The following XKR6 variants were observed in gnomAD, a reference collection of about 807,000 sequenced individuals.
XKR6 encodes XK related 6.
In XKR6, 22 loss-of-function variants were observed where a neutral mutation model predicts 56.7. That is an observed-to-expected ratio of 0.39 (90% CI 0.28 to 0.55). XKR6 has a LOEUF of 0.55. XKR6 is among the 20% of genes least tolerant of loss of function. The probability of loss-of-function intolerance (pLI) is 0.66; values close to 1 mark genes in which losing one functional copy is unlikely to be tolerated. For synonymous variants in XKR6, 524 were observed against 387.8 expected, an observed-to-expected ratio of 1.35 and a Z score of -4.13; for missense variants, 852 against 889.0, an observed-to-expected ratio of 0.96 and a Z score of 0.53.
chr8:11,152,146 G>C (rs1008991194), intron 1 of XKR6, among the ~76,000 whole-genome samples: 1 of 152,172 alleles, frequency 6.6e-6, no homozygotes, highest in Non-Finnish European at 1.5e-5. Flanking sequence ...TTTCCCAGCA[G>C]TAAAAAGTGA....
chr8:11,046,710 G>A (rs1799419199), intron 1 of XKR6, among the ~76,000 whole-genome samples: 1 of 152,094 alleles, frequency 6.6e-6, no homozygotes, highest in South Asian at 2.1e-4. Flanking sequence ...GCCAAGATAA[G>A]GAATCAACTT....
At chr8:11,183,728 G>T (rs1019457693) in intron 1 of XKR6, among the ~76,000 whole-genome samples, 10 of 152,198 alleles carry the variant, frequency 6.6e-5, no homozygotes, top group Admixed American at 5.9e-4. Context: ...TTGAAAAGAG[G>T]TCCTAAGATC....
chr8:11,186,346 T>C (rs923577808), intron 1 of XKR6, among the ~76,000 whole-genome samples: 1 of 152,168 alleles, frequency 6.6e-6, no homozygotes, highest in Non-Finnish European at 1.5e-5. Context: ...CACAATGGCA[T>C]GTGAGTGGAA....
chr8:10,969,293 C>T (rs920877155), intron 1 of XKR6, among the ~76,000 whole-genome samples: 4 of 152,306 alleles, frequency 2.6e-5, no homozygotes, highest in Non-Finnish European at 4.4e-5. Context: ...TGCCACCCAC[C>T]GTGTTGCTTT....
intron 1 of XKR6, among the ~76,000 whole-genome samples, chr8:11,131,021 T>C (rs966748132): frequency 6.6e-6 from 1 of 152,206 alleles, no homozygotes; most frequent in Non-Finnish European, 1.5e-5. Context: ...TCGCTAGTTA[T>C]GTAACTGAGG....
At chr8:11,037,456 A>G (rs946205094) in intron 1 of XKR6, among the ~76,000 whole-genome samples, 17 of 152,266 alleles carry the variant, frequency 1.1e-4, no homozygotes, top group African/African-American at 3.9e-4. Flanking sequence ...AATTCCTGGG[A>G]TCTAGCGATC....
intron 1 of XKR6, among the ~76,000 whole-genome samples, chr8:11,071,183 C>G (rs1456717269): frequency 1.3e-5 from 2 of 152,220 alleles, no homozygotes; most frequent in Non-Finnish European, 2.9e-5. Flanking sequence ...AGCCCAGGCA[C>G]AGCTTCCTCA....
intron 1 of XKR6, among the ~76,000 whole-genome samples, chr8:11,170,590 G>A (rs375648335): frequency 6.6e-6 from 1 of 152,172 alleles, no homozygotes; most frequent in African/African-American, 2.4e-5. Context: ...TTTCTTTTTT[G>A]TAGGATTAAA....
intron 1 of XKR6, among the ~76,000 whole-genome samples, chr8:10,984,720 CTCTCTCTCTCTCTATA>C (rs1368536357): frequency 2.6e-4 from 22 of 83,236 alleles, no homozygotes; most frequent in African/African-American, 1.1e-3. Context: ...CTCTCTCTCT[CTCTCTCTCTCTCTATA>C]TATATATATA....
In XKR6 at chr8:11,065,069, T is replaced by C. The variant is rs116140227; in HGVS notation, c.764+135507A>G. On this transcript the variant is annotated intron_variant, in intron 1 of 2. Transcript: ENST00000416569. ...GCATAAAATTTAAAAAAATCATTAT[T>C]GTAAAAATAAAGACAAGACATGCTA... Among the ~76,000 whole-genome samples, 541 of 152,310 alleles carry C rather than the reference T, an allele frequency of 3.6e-3. 3 individuals carry two copies. The highest frequency in any genetic ancestry group is 0.012 in the African/African-American group (509 of 41,570).
chr8:10,917,363 T>A (rs1165831574), intron 2 of XKR6, among the ~76,000 whole-genome samples: 1 of 152,240 alleles, frequency 6.6e-6, no homozygotes, highest in African/African-American at 2.4e-5. Flanking sequence ...CCACCTCCAC[T>A]CCCAGGAGAT....
intron 1 of XKR6, among the ~76,000 whole-genome samples, chr8:11,091,983 G>A (rs1049392962): frequency 2.0e-5 from 3 of 152,096 alleles, no homozygotes; most frequent in Non-Finnish European, 2.9e-5. Flanking sequence ...AAAACCCTGC[G>A]GTTCAGAATT....
intron 1 of XKR6, among the ~76,000 whole-genome samples, chr8:11,142,777 G>C (rs1023208693): frequency 6.6e-6 from 1 of 152,122 alleles, no homozygotes; most frequent in Non-Finnish European, 1.5e-5. Flanking sequence ...CCCATCTCAG[G>C]TATTTCTTTA....
intron 1 of XKR6, among the ~76,000 whole-genome samples, chr8:11,152,042 T>C (rs988458948): frequency 1.3e-5 from 2 of 152,146 alleles, no homozygotes; most frequent in Non-Finnish European, 2.9e-5. Flanking sequence ...CAAATTACTA[T>C]CAAAACAAAG....
intron 1 of XKR6, among the ~76,000 whole-genome samples, chr8:10,975,085 G>A (rs935317057): frequency 3.4e-4 from 52 of 152,224 alleles, no homozygotes; most frequent in African/African-American, 1.2e-3. Flanking sequence ...TAGAGGCCTC[G>A]GTTTCTCTCT....
At chr8:10,932,584 C>T (rs1357857258) in intron 1 of XKR6, among the ~76,000 whole-genome samples, 1 of 115,196 alleles carries the variant, frequency 8.7e-6, no homozygotes, top group African/African-American at 3.3e-5. Flanking sequence ...CCTCCCCCCA[C>T]CCCACCACAG....
intron 1 of XKR6, among the ~76,000 whole-genome samples, chr8:10,995,570 C>A (rs1294842306): frequency 6.6e-6 from 1 of 150,620 alleles, no homozygotes; most frequent in African/African-American, 2.4e-5. Flanking sequence ...CGCCTGTGGT[C>A]CCAGCTACTT....
intron 1 of XKR6, among the ~76,000 whole-genome samples, chr8:11,058,752 T>G (rs1258094715): frequency 6.6e-6 from 1 of 152,126 alleles, no homozygotes; most frequent in Non-Finnish European, 1.5e-5. Context: ...GCTTGAAACC[T>G]AGATGGCGGG....
intron 1 of XKR6, among the ~76,000 whole-genome samples, chr8:11,072,910 C>T (rs896638889): frequency 3.9e-5 from 6 of 152,136 alleles, no homozygotes; most frequent in East Asian, 1.9e-4. Flanking sequence ...ATTAGCCGGG[C>T]GTGGTGGCGG....
Sources: gnomAD v4.1 joint callset for allele counts (sites outside exome capture counted in the v4.1 genomes callset) on GRCh38, gnomAD v4.1.1 for gene constraint, MANE v1.5 for transcripts, NCBI Gene and HGNC (gene_info 2026-07-23, HGNC 2026-07-21) for gene names.